NCOA3: variants seen among roughly 807,000 people sequenced by gnomAD.
The protein encoded by NCOA3 is nuclear receptor coactivator 3.
In NCOA3, 51 loss-of-function variants were observed where a neutral mutation model predicts 158.8. The ratio of observed to expected loss-of-function variants is 0.32; its 90% CI spans 0.26 to 0.41. The LOEUF is 0.41. NCOA3 is among the 10% of genes least tolerant of loss of function. The pLI is 1.00. For synonymous variants in NCOA3, 537 were observed against 592.4 expected (o/e 0.91, Z 1.36); for missense variants, 1,510 against 1,746.6 (o/e 0.86, Z 2.41).
chr20:47,515,006 T>C (rs2084209290), intron 1 of NCOA3, among the ~76,000 whole-genome samples: 1 of 150,788 alleles, frequency 6.6e-6, no homozygotes, highest in South Asian at 2.1e-4. Context: ...AAATAGTGTT[T>C]TGTATAAGAT....
At chr20:47,549,605 G>A (rs1326013140) in intron 1 of NCOA3, among the ~76,000 whole-genome samples, 1 of 149,888 alleles carries the variant, frequency 6.7e-6, no homozygotes, top group Non-Finnish European at 1.5e-5. Flanking sequence ...TGTATAAATT[G>A]GTGGTGGTTG....
chr20:47,597,146 C>T (rs1316793400), intron 2 of NCOA3, among the ~76,000 whole-genome samples: 2 of 152,168 alleles, frequency 1.3e-5, no homozygotes, highest in African/African-American at 4.8e-5. Flanking sequence ...TTCTACCATT[C>T]CCTAAAGTTC....
In NCOA3 at chr20:47,642,962, G is replaced by A. The variant is rs72645284; in HGVS notation, c.3252+578G>A. ...GTCTCGCTCTGTCAACCAGGCTGGA[G>A]TGCAGTGGCACAATTTCATCTCACT... is the stretch of plus-strand genomic sequence containing the variant. On this transcript the variant is annotated intron_variant, in intron 17 of 22. Transcript: ENST00000371998. Among the ~76,000 whole-genome samples, 664 of 152,344 alleles carry A rather than the reference G, an allele frequency of 4.4e-3. 6 individuals are homozygous for A. The highest frequency in any genetic ancestry group is 0.015 in the African/African-American group (631 of 41,578).
chr20:47,507,547 T>A (rs768559467), intron 1 of NCOA3, among the ~76,000 whole-genome samples: 28 of 152,156 alleles, frequency 1.8e-4, no homozygotes, highest in Admixed American at 3.3e-4. Flanking sequence ...ATTTTTTCTG[T>A]CCCCAACAAC....
chr20:47,633,564 C>T lies in NCOA3; in HGVS notation c.892C>T (p.Arg298Ter), dbSNP rs1258711035. The change falls in exon 9 of 23, where the codon CGA (arginine) becomes TGA (stop). Residue 298 changes from arginine to a stop codon, truncating the protein, a stop_gained. Transcript: ENST00000371998. LOFTEE classifies it high-confidence loss of function. Reference protein sequence around the residue: ...SMRPGFEDIIRRCIQRFFSLN... With the variant: ...SMRPGFEDII ...GAGGCCTGGCTTTGAAGATATAATCCGAAGGTGTATTCAGAGATTTTTTAG... is the reference window on the plus strand; with the variant it reads ...GAGGCCTGGCTTTGAAGATATAATCTGAAGGTGTATTCAGAGATTTTTTAG... The T allele has an allele frequency of 1.9e-6, 3 of 1,613,172 alleles. No individual in the cohort carries two copies. The highest frequency in any genetic ancestry group is 2.7e-5 in the African/African-American group (2 of 74,818).
intron 2 of NCOA3, among the ~76,000 whole-genome samples, chr20:47,599,195 T>A (rs186003788): frequency 1.0e-3 from 157 of 152,346 alleles, no homozygotes; most frequent in Non-Finnish European, 1.9e-4. Flanking sequence ...TGAACCGATA[T>A]GTGCTACAAT....
chr20:47,602,120 C>G (rs1438781644), intron 2 of NCOA3, among the ~76,000 whole-genome samples: 2 of 152,194 alleles, frequency 1.3e-5, no homozygotes, highest in Non-Finnish European at 2.9e-5. Context: ...CTACTTCATT[C>G]ATTTACATGG....
At chr20:47,593,913 G>C (rs1248114621) in intron 2 of NCOA3, among the ~76,000 whole-genome samples, 1 of 152,018 alleles carries the variant, frequency 6.6e-6, no homozygotes, top group Non-Finnish European at 1.5e-5. Flanking sequence ...TTCTCCTTCA[G>C]TTTATTTTGA....
chr20:47,541,640 T>C (rs970154443), intron 1 of NCOA3, among the ~76,000 whole-genome samples: 6 of 149,958 alleles, frequency 4.0e-5, no homozygotes, highest in Non-Finnish European at 8.9e-5. Flanking sequence ...GCCCTCAAGT[T>C]ACCCTCCTGC....
intron 1 of NCOA3, among the ~76,000 whole-genome samples, chr20:47,527,673 GTTTAAC>G (rs1178796775): frequency 6.6e-6 from 1 of 152,138 alleles, no homozygotes; most frequent in African/African-American, 2.4e-5. Flanking sequence ...GTAAATGTAT[GTTTAAC>G]TTTATAAGGA....
chr20:47,632,280 G>A (rs1405748812), intron 8 of NCOA3, among the ~76,000 whole-genome samples: 2 of 152,130 alleles, frequency 1.3e-5, no homozygotes, highest in African/African-American at 2.4e-5. Context: ...TAGGGGGTGG[G>A]GATGAGGTTT....
intron 17 of NCOA3, among the ~76,000 whole-genome samples, chr20:47,644,929 C>G (rs979061382): frequency 4.6e-5 from 7 of 151,758 alleles, no homozygotes; most frequent in Admixed American, 1.3e-4. Flanking sequence ...AACTCCTGAC[C>G]TCGTGATCCA....
chr20:47,562,902 G>T (rs2085130597), intron 1 of NCOA3, among the ~76,000 whole-genome samples: 2 of 152,066 alleles, frequency 1.3e-5, no homozygotes, highest in South Asian at 4.1e-4. Context: ...CTACTTTTAT[G>T]ATTATTAAAA....
chr20:47,551,373 G>A (rs2084924457), intron 1 of NCOA3, among the ~76,000 whole-genome samples: 1 of 152,112 alleles, frequency 6.6e-6, no homozygotes, highest in Non-Finnish European at 1.5e-5. Context: ...CTGTGTTGGT[G>A]ATGTAATGAC....
intron 1 of NCOA3, among the ~76,000 whole-genome samples, chr20:47,528,368 C>T (rs1602351014): frequency 6.6e-6 from 1 of 151,986 alleles, no homozygotes; most frequent in Non-Finnish European, 1.5e-5. Flanking sequence ...TAAATAATTC[C>T]TTGTCTGTTT....
At chr20:47,572,161 A>G (rs536020562) in intron 1 of NCOA3, among the ~76,000 whole-genome samples, 3 of 152,186 alleles carry the variant, frequency 2.0e-5, no homozygotes, top group African/African-American at 2.4e-5. Context: ...GCTTTGGCTT[A>G]TGGAATATTG....
chr20:47,554,563 A>G (rs2084972697), intron 1 of NCOA3, among the ~76,000 whole-genome samples: 1 of 123,010 alleles, frequency 8.1e-6, no homozygotes, highest in Non-Finnish European at 1.7e-5. Flanking sequence ...TACACCAATA[A>G]CAGACAAACA....
At chr20:47,512,684 T>A (rs1343364518) in intron 1 of NCOA3, among the ~76,000 whole-genome samples, 1 of 151,868 alleles carries the variant, frequency 6.6e-6, no homozygotes, top group Non-Finnish European at 1.5e-5. Context: ...TTAGGGAAAC[T>A]GAAAACTACA....
intron 1 of NCOA3, among the ~76,000 whole-genome samples, chr20:47,545,268 C>T (rs2084810117): frequency 6.7e-6 from 1 of 150,342 alleles, no homozygotes; most frequent in South Asian, 2.1e-4. Flanking sequence ...CCTCTGTCTT[C>T]CGGGTTCAAG....
Sources: gnomAD v4.1 joint callset for allele counts (sites outside exome capture counted in the v4.1 genomes callset) on GRCh38, gnomAD v4.1.1 for gene constraint, MANE v1.5 for transcripts, NCBI Gene and HGNC (gene_info 2026-07-23, HGNC 2026-07-21) for gene names.